The following OR8G5 variants were observed in gnomAD, a reference collection of about 807,000 sequenced individuals.
OR8G5 encodes the protein olfactory receptor 8G5.
For missense variants in OR8G5, 347 were observed against 371.9 expected, an observed-to-expected ratio of 0.93 and a Z score of 0.55; for synonymous variants, 147 against 147.7, an observed-to-expected ratio of 1.00 and a Z score of 0.03.
In OR8G5 at chr11:124,265,905, T is replaced by G. The variant is rs1862026153; in HGVS notation, c.*38T>G. The G allele has an allele frequency of 6.5e-7, 1 of 1,539,002 alleles. No individual in the cohort carries two copies. Among genetic ancestry groups the G allele is most frequent in the Admixed American group, 2.1e-5 (1 of 47,212 alleles). On this transcript the variant is annotated 3_prime_UTR_variant, in exon 2 of 2. Transcript: ENST00000641992. Reference sequence around the variant, plus strand: ...TGAAAAAGATTGCATTAGATCTAAGTTTTTGGCTATGATATTGTATGAAAT... The same window carrying G: ...TGAAAAAGATTGCATTAGATCTAAGGTTTTGGCTATGATATTGTATGAAAT...
chr11:124,261,820 A>G (rs1861974120), intron 1 of OR8G5, among the ~76,000 whole-genome samples: 1 of 151,982 alleles, frequency 6.6e-6, no homozygotes, highest in African/African-American at 2.4e-5. Flanking sequence ...AACTTCAATG[A>G]TTCAGAGTAT....
Position 124,266,131 on chromosome 11 carries a change from AGTTAC to A in OR8G5, c.*265_*269del. Reference sequence around the variant, plus strand: ...AATAGTGGCATAACCTGATAATGCCAGTTACATTCCCTTCCCCCTTTTCTTTCATG... The same window carrying A: ...AATAGTGGCATAACCTGATAATGCCAATTCCCTTCCCCCTTTTCTTTCATG... On this transcript the variant is annotated 3_prime_UTR_variant, in exon 2 of 2. Transcript: ENST00000641992. The A allele has an allele frequency of 2.6e-5, 10 of 384,882 alleles. No homozygotes were observed. The highest frequency in any genetic ancestry group is 4.5e-5 in the South Asian group (1 of 22,210). 23.8% of individuals were successfully genotyped at this position (384,882 alleles called of 1,614,324 possible).
At chr11:124,256,794 T>G (rs557468777) in intron 1 of OR8G5, among the ~76,000 whole-genome samples, 160 bp downstream of exon 1, 1 of 152,334 alleles carries the variant, frequency 6.6e-6, no homozygotes, top group South Asian at 2.1e-4. Flanking sequence ...TTGCCAGATA[T>G]GGGCTAATAC....
chr11:124,264,137 A>G (rs1225478676), intron 1 of OR8G5, among the ~76,000 whole-genome samples: 1 of 113,608 alleles, frequency 8.8e-6, no homozygotes, highest in Non-Finnish European at 2.1e-5. Context: ...AAATGTTATT[A>G]TTAATAGGTT....
chr11:124,258,248 A>G (rs976822314), intron 1 of OR8G5, among the ~76,000 whole-genome samples: 5 of 152,010 alleles, frequency 3.3e-5, no homozygotes, highest in Non-Finnish European at 7.4e-5. Context: ...CATCTTGTCA[A>G]TGTTCCTCCT....
At chr11:124,264,066 C>T (rs554537313) in intron 1 of OR8G5, among the ~76,000 whole-genome samples, 27 of 152,158 alleles carry the variant, frequency 1.8e-4, no homozygotes, top group African/African-American at 5.5e-4. Context: ...CATTTTTACA[C>T]GCTTAATAGA....
chr11:124,260,970 C>T (rs1861965229), intron 1 of OR8G5, among the ~76,000 whole-genome samples: 1 of 151,780 alleles, frequency 6.6e-6, no homozygotes, highest in South Asian at 2.1e-4. Context: ...TCTCTTCATA[C>T]TTCCACACCC....
intron 1 of OR8G5, among the ~76,000 whole-genome samples, chr11:124,261,741 A>G (rs970557928): frequency 1.3e-5 from 2 of 151,928 alleles, no homozygotes; most frequent in African/African-American, 4.8e-5. Context: ...TCCTTTTAAG[A>G]TGCATTTGGA....
Position 124,265,616 on chromosome 11 carries a change from C to G in OR8G5, c.685C>G (p.Arg229Gly). ...CATCATTGCCAGCATCCTCCGCATT[C>G]GCTACACTGAGGGCAGGTCCAAAGC... is the stretch of plus-strand genomic sequence containing the variant. ...IFIIASILRI[R>G]YTEGRSKAFS... Residue 229 changes from arginine (R) to glycine (G), a missense_variant, in exon 2 of 2, where the codon CGC becomes GGC. Arg to Gly is a moderately radical substitution (Grantham distance 125). Transcript: ENST00000641992. 1 of 1,613,948 alleles carries G rather than the reference C, an allele frequency of 6.2e-7. No homozygotes were observed. Among genetic ancestry groups the G allele is most frequent in the Non-Finnish European group, 8.5e-7 (1 of 1,179,896 alleles).
chr11:124,258,904 G>A (rs934275356), intron 1 of OR8G5, among the ~76,000 whole-genome samples: 1 of 152,038 alleles, frequency 6.6e-6, no homozygotes, highest in African/African-American at 2.4e-5. Context: ...TCTAGAAATT[G>A]TTTTTTAATA....
Position 124,265,940 on chromosome 11 carries a change from C to T in OR8G5, c.*73C>T. On this transcript the variant is annotated 3_prime_UTR_variant, in exon 2 of 2. Transcript: ENST00000641992. ...TGATATTGTATGAAATGATGTCTTT[C>T]ACTTTAGTGCATCTGTCAACATTCT... 2.8e-6 allele frequency: 4 copies of T among 1,453,922 alleles called. No homozygotes were observed. Among genetic ancestry groups the T allele is most frequent in the Non-Finnish European group, 3.7e-6 (4 of 1,094,390 alleles). The allele number at this position is 1,453,922 out of a possible 1,614,324, so 90.1% of individuals were successfully genotyped here. A position where few individuals can be genotyped will look rare whatever the true frequency, so the allele number is the denominator to read the frequency against.
At chr11:124,261,853 AAGAC>A (rs1861974452) in intron 1 of OR8G5, among the ~76,000 whole-genome samples, 1 of 152,000 alleles carries the variant, frequency 6.6e-6, no homozygotes, top group Non-Finnish European at 1.5e-5. Context: ...CAATGAAATT[AAGAC>A]AGACATTTTA....
intron 1 of OR8G5, among the ~76,000 whole-genome samples, chr11:124,262,769 A>G (rs1328139052): frequency 1.3e-5 from 2 of 152,092 alleles, no homozygotes; most frequent in East Asian, 1.9e-4. Flanking sequence ...GTTGTTTTGA[A>G]TAAGGCTGCC....
intron 1 of OR8G5, among the ~76,000 whole-genome samples, chr11:124,264,164 A>G (rs140757815): frequency 2.0e-5 from 3 of 152,246 alleles, no homozygotes; most frequent in African/African-American, 7.2e-5. Context: ...GTTCTCTTTT[A>G]CAGATTTGAA....
At chr11:124,262,385 A>C (rs1209667925) in intron 1 of OR8G5, among the ~76,000 whole-genome samples, 2 of 151,806 alleles carry the variant, frequency 1.3e-5, no homozygotes, top group Non-Finnish European at 2.9e-5. Flanking sequence ...ATAATTTGTA[A>C]AGTAAGCAAC....
chr11:124,265,062 G>A lies in OR8G5; in HGVS notation c.131G>A (p.Gly44Asp), dbSNP rs778190418. Residue 44 changes from glycine (G) to aspartate (D), a missense_variant, in exon 2 of 2, where the codon GGC becomes GAC. Coordinates refer to ENST00000641992, the MANE Select transcript of OR8G5 (RefSeq NM_001005198.2). ...IYVVTVLGNL[G>D]MITLIGLSSH... is the part of the protein sequence containing the mutation. ...GTAGTCACAGTGCTGGGGAACCTGGGCATGATCACACTGATTGGGCTCAGT... is the reference window on the plus strand; with the variant it reads ...GTAGTCACAGTGCTGGGGAACCTGGACATGATCACACTGATTGGGCTCAGT... 1.9e-6 allele frequency: 3 copies of A among 1,614,090 alleles called. No individual in the cohort carries two copies. Among genetic ancestry groups the A allele is most frequent in the Middle Eastern group, 1.6e-4 (1 of 6,062 alleles).
intron 1 of OR8G5, among the ~76,000 whole-genome samples, chr11:124,257,698 T>A (rs1333086264): frequency 6.6e-6 from 1 of 152,188 alleles, no homozygotes. Context: ...GGTTAATCTT[T>A]CCTGGTTATC....
At chr11:124,258,857 A>G (rs942360714) in intron 1 of OR8G5, among the ~76,000 whole-genome samples, 1 of 152,130 alleles carries the variant, frequency 6.6e-6, no homozygotes, top group Non-Finnish European at 1.5e-5. Flanking sequence ...TTGGGAAGCT[A>G]TGTCGTAGAT....
chr11:124,256,505 T>G lies in OR8G5; in HGVS notation c.-144T>G, dbSNP rs1267382811. The G allele has an allele frequency of 6.6e-6, 1 of 152,196 alleles. No homozygotes were observed. The highest frequency in any genetic ancestry group is 1.5e-5 in the Non-Finnish European group (1 of 68,052). The allele number at this position is 152,196 out of a possible 1,614,324, so 9.4% of individuals were successfully genotyped here. ...GTGAGATGTCTTGTGCTTTGCAGTCTCAGGACTAAAGACTACAGAACGCTG... is the reference window on the plus strand; with the variant it reads ...GTGAGATGTCTTGTGCTTTGCAGTCGCAGGACTAAAGACTACAGAACGCTG... On this transcript the variant is annotated 5_prime_UTR_variant, in exon 1 of 2. Transcript: ENST00000641992.
Sources: gnomAD v4.1 joint callset for allele counts (sites outside exome capture counted in the v4.1 genomes callset) on GRCh38, gnomAD v4.1.1 for gene constraint, MANE v1.5 for transcripts, NCBI Gene and HGNC (gene_info 2026-07-23, HGNC 2026-07-21) for gene names.